Variants in NKAIN3 observed in about 807,000 individuals in gnomAD.
NKAIN3 encodes sodium/potassium transporting ATPase interacting 3, also known as sodium/potassium-transporting ATPase subunit beta-1-interacting protein 3.
A neutral mutation model predicts 30.2 loss-of-function variants in NKAIN3; 25 were observed. The observed-to-expected ratio is 0.83, with a 90% CI of 0.60 to 1.16. NKAIN3 has a LOEUF of 1.16. Ranked by LOEUF, NKAIN3 falls within the 50% of genes most tolerant of loss-of-function variation. The pLI, the probability that NKAIN3 is intolerant of heterozygous loss-of-function variation, is 0.00. For missense variants in NKAIN3, 225 were observed against 254.1 expected (o/e 0.89, Z 0.78); for synonymous variants, 91 against 89.6 (o/e 1.02, Z -0.09).
intron 1 of NKAIN3, among the ~76,000 whole-genome samples, chr8:62,518,774 G>T (rs1457295435): frequency 6.6e-6 from 1 of 152,126 alleles, no homozygotes; most frequent in Non-Finnish European, 1.5e-5. Context: ...TGTATTTGAG[G>T]TGTTCACAAA....
At chr8:62,663,988 T>C (rs531447650) in intron 3 of NKAIN3, among the ~76,000 whole-genome samples, 1 of 152,214 alleles carries the variant, frequency 6.6e-6, no homozygotes, top group East Asian at 1.9e-4. Context: ...ATATTTTCCT[T>C]ACTTACATTT....
At chr8:62,713,697 AG>A (rs2130499853) in intron 3 of NKAIN3, among the ~76,000 whole-genome samples, 1 of 152,330 alleles carries the variant, frequency 6.6e-6, no homozygotes, top group South Asian at 2.1e-4. Flanking sequence ...TCTCAAATCA[AG>A]AACAGATTGA....
intron 3 of NKAIN3, among the ~76,000 whole-genome samples, chr8:62,685,792 C>T (rs938089747): frequency 2.0e-5 from 3 of 152,092 alleles, no homozygotes; most frequent in African/African-American, 4.8e-5. Flanking sequence ...ATTCTGACTG[C>T]GCAACTATTA....
intron 5 of NKAIN3, among the ~76,000 whole-genome samples, chr8:62,952,797 G>T (rs564231102): frequency 6.6e-6 from 1 of 152,136 alleles, no homozygotes; most frequent in East Asian, 1.9e-4. Context: ...AACTCAAAAT[G>T]TTGCACAAGA....
At chr8:62,958,186 G>A (rs532912807) in intron 6 of NKAIN3, among the ~76,000 whole-genome samples, 16 of 151,884 alleles carry the variant, frequency 1.1e-4, no homozygotes, top group African/African-American at 3.1e-4. Context: ...GTGAGTGAAC[G>A]GATAGGAAGC....
intron 1 of NKAIN3, among the ~76,000 whole-genome samples, chr8:62,570,091 A>G (rs1809884861): frequency 6.6e-6 from 1 of 152,208 alleles, no homozygotes; most frequent in Non-Finnish European, 1.5e-5. Context: ...AACAGTGGAA[A>G]AATCCAAGTG....
chr8:62,869,807 G>C (rs1158393652), intron 4 of NKAIN3, among the ~76,000 whole-genome samples: 2 of 151,898 alleles, frequency 1.3e-5, no homozygotes, highest in Non-Finnish European at 2.9e-5. Context: ...TAGCTCTGTT[G>C]CCCAGGCTGG....
chr8:62,917,507 G>A (rs937444541), intron 4 of NKAIN3, among the ~76,000 whole-genome samples: 2 of 152,066 alleles, frequency 1.3e-5, no homozygotes, highest in Non-Finnish European at 2.9e-5. Flanking sequence ...ACAAGCTCAG[G>A]GTCCTAATTC....
intron 1 of NKAIN3, among the ~76,000 whole-genome samples, chr8:62,452,468 T>G (rs62511483): frequency 0.34 from 51,621 of 151,884 alleles, 9,838 homozygotes; most frequent in South Asian, 0.45. Context: ...AGAGTGAGAC[T>G]CTGTCTCAAA....
Position 62,980,780 on chromosome 8 carries a change from T to G in NKAIN3, c.*15373T>G, listed in dbSNP as rs1222286320. On this transcript the variant is annotated 3_prime_UTR_variant, in exon 7 of 7. Coordinates refer to ENST00000623646, the MANE Select transcript of NKAIN3 (RefSeq NM_001304533.3). ...GGAATGTTGGACAATTTGTGTGGCA[T>G]GCTTAGCTTAATTTGTTTCTATGGC... 2 of 152,252 alleles carry G rather than the reference T, an allele frequency of 1.3e-5. No individual in the cohort carries two copies. The highest frequency in any genetic ancestry group is 2.4e-5 in the African/African-American group (1 of 41,458). 9.4% of individuals were successfully genotyped at this position (152,252 alleles called of 1,614,324 possible).
Position 62,797,773 on chromosome 8 carries a change from G to C in NKAIN3, c.471+50644G>C, listed in dbSNP as rs73683428. Among the ~76,000 whole-genome samples, 1,477 of 152,270 alleles carry C rather than the reference G, an allele frequency of 9.7e-3. 22 individuals are homozygous for C. Among genetic ancestry groups the C allele is most frequent in the African/African-American group, 0.034 (1,396 of 41,558 alleles). ...TCAGAATGTGACCTTATGGAAAGGA[G>C]TCTCTGAAGACAATAATTAGTTAAG... On this transcript the variant is annotated intron_variant, in intron 4 of 6. Transcript: ENST00000623646.
At chr8:62,547,557 G>A (rs1208970815) in intron 1 of NKAIN3, among the ~76,000 whole-genome samples, 1 of 152,056 alleles carries the variant, frequency 6.6e-6, no homozygotes. Flanking sequence ...TATATTACAG[G>A]GCTTCAGTGA....
At chr8:62,675,426 T>C (rs1474901444) in intron 3 of NKAIN3, among the ~76,000 whole-genome samples, 4 of 152,218 alleles carry the variant, frequency 2.6e-5, no homozygotes, top group Non-Finnish European at 5.9e-5. Context: ...AGACAGAGTA[T>C]ATGCATTTTT....
intron 4 of NKAIN3, among the ~76,000 whole-genome samples, chr8:62,891,170 G>A (rs943385881): frequency 7.9e-5 from 12 of 152,146 alleles, no homozygotes; most frequent in East Asian, 1.9e-4. Flanking sequence ...CAGACCCACC[G>A]TCAATGTGGG....
At chr8:62,800,919 T>A (rs1586209686) in intron 4 of NKAIN3, among the ~76,000 whole-genome samples, 5 of 152,304 alleles carry the variant, frequency 3.3e-5, no homozygotes, top group Middle Eastern at 3.4e-3. Context: ...ACCCTAATAC[T>A]GCGCTTTTCC....
chr8:62,601,439 A>G (rs1477502235), intron 3 of NKAIN3, among the ~76,000 whole-genome samples: 2 of 152,062 alleles, frequency 1.3e-5, no homozygotes, highest in East Asian at 3.9e-4. Flanking sequence ...GAACTACAAG[A>G]ATAATATCCT....
intron 1 of NKAIN3, among the ~76,000 whole-genome samples, chr8:62,522,632 G>A (rs992874924): frequency 6.6e-6 from 1 of 152,040 alleles, no homozygotes; most frequent in Non-Finnish European, 1.5e-5. Flanking sequence ...TGATGATCCT[G>A]ACCCTGTGTA....
chr8:62,515,966 T>A (rs1807972589), intron 1 of NKAIN3, among the ~76,000 whole-genome samples: 1 of 152,174 alleles, frequency 6.6e-6, no homozygotes, highest in African/African-American at 2.4e-5. Flanking sequence ...TTACTCCTTG[T>A]TGATTGTAAA....
chr8:62,868,069 G>C (rs187585212), intron 4 of NKAIN3, among the ~76,000 whole-genome samples: 1 of 152,282 alleles, frequency 6.6e-6, no homozygotes, highest in African/African-American at 2.4e-5. Flanking sequence ...TACTGGATCT[G>C]ACTAGAATGC....
Sources: gnomAD v4.1 joint callset for allele counts (sites outside exome capture counted in the v4.1 genomes callset) on GRCh38, gnomAD v4.1.1 for gene constraint, MANE v1.5 for transcripts, NCBI Gene and HGNC (gene_info 2026-07-23, HGNC 2026-07-21) for gene names.